C9: variants seen among roughly 807,000 people sequenced by gnomAD.
C9 encodes complement component C9.
In C9, 63 loss-of-function variants were observed where a neutral mutation model predicts 65.4. That is an observed-to-expected ratio of 0.96 (90% CI 0.79 to 1.19). The LOEUF (loss-of-function observed/expected upper bound fraction) is 1.19, where lower values mean the gene tolerates loss of function less well. C9 is among the 50% of genes most tolerant of loss of function. The probability of loss-of-function intolerance (pLI) is 0.00; values close to 1 mark genes in which losing one functional copy is unlikely to be tolerated. For synonymous variants in C9, 229 were observed against 227.9 expected (o/e 1.00, Z -0.04); for missense variants, 744 against 670.1 (o/e 1.11, Z -1.22).
intron 1 of C9, among the ~76,000 whole-genome samples, chr5:39,350,362 C>T (rs528379305): frequency 6.6e-6 from 1 of 152,256 alleles, no homozygotes; most frequent in East Asian, 1.9e-4. Flanking sequence ...ATCATTCCAC[C>T]CTGGCTTGTC....
chr5:39,287,866 G>C (rs1387146585), intron 10 of C9, among the ~76,000 whole-genome samples: 1 of 151,892 alleles, frequency 6.6e-6, no homozygotes, highest in African/African-American at 2.4e-5. Flanking sequence ...AAAATTACCT[G>C]TTGGGTACAA....
chr5:39,291,835 AAAAG>A (rs1294489223), intron 9 of C9, among the ~76,000 whole-genome samples: 1 of 151,918 alleles, frequency 6.6e-6, no homozygotes, highest in Non-Finnish European at 1.5e-5. Context: ...TTGACACAGC[AAAAG>A]AAAGAATCAG....
intron 9 of C9, among the ~76,000 whole-genome samples, chr5:39,294,875 G>A (rs528715282): frequency 3.4e-4 from 51 of 151,936 alleles, no homozygotes; most frequent in Non-Finnish European, 6.3e-4. Context: ...GCATGATCAA[G>A]TGGGCATGAA....
chr5:39,350,597 G>T (rs923982833), intron 1 of C9, among the ~76,000 whole-genome samples: 2 of 152,162 alleles, frequency 1.3e-5, no homozygotes, highest in Admixed American at 1.3e-4. Context: ...AGAGAAATCA[G>T]CCAAGAGATA....
intron 5 of C9, among the ~76,000 whole-genome samples, chr5:39,324,684 C>G (rs1263241334): frequency 6.6e-6 from 1 of 152,044 alleles, no homozygotes; most frequent in Non-Finnish European, 1.5e-5. Flanking sequence ...AAAAATCCAT[C>G]CATGCGAAAA....
intron 1 of C9, 90 bp from the exon 2 acceptor site, chr5:39,342,286 A>C (rs1363012747): frequency 8.2e-6 from 6 of 731,220 alleles, no homozygotes; most frequent in Admixed American, 3.9e-5. Context: ...TTTGTACTTT[A>C]TCCCCTCTCA....
At position 39,311,160 on chromosome 5, in the gene C9, T is replaced by A; in HGVS notation, c.1088A>T (p.Asp363Val). 6.2e-7 allele frequency: 1 copy of A among 1,613,388 alleles called. No homozygotes were observed. Among genetic ancestry groups the A allele is most frequent in the South Asian group, 1.1e-5 (1 of 91,074 alleles). ...ACCTTTCCGCTTCATGGAAGCTTTA[T>A]CCAAAACATATATTAGTTCATAGAG... The part of the protein sequence containing the change: ...GGLYELIYVL[D>V]KASMKRKGVE... The change falls in exon 7 of 11, where the codon GAT becomes GTT. Residue 363 changes from aspartate (D) to valine (V), a missense_variant. Transcript: ENST00000263408.
intron 1 of C9, among the ~76,000 whole-genome samples, chr5:39,343,487 G>A (rs960545509): frequency 6.6e-5 from 10 of 152,330 alleles, no homozygotes; most frequent in South Asian, 2.1e-4. Flanking sequence ...AGGGGCGCCC[G>A]CCATTGCTGA....
At chr5:39,348,983 G>C (rs1168038144) in intron 1 of C9, among the ~76,000 whole-genome samples, 1 of 127,890 alleles carries the variant, frequency 7.8e-6, no homozygotes, top group Non-Finnish European at 1.6e-5. Flanking sequence ...AGAACACTTG[G>C]ACACAGGGTG....
intron 9 of C9, among the ~76,000 whole-genome samples, chr5:39,289,189 A>G (rs1753046059): frequency 6.6e-6 from 1 of 151,794 alleles, no homozygotes; most frequent in Non-Finnish European, 1.5e-5. Context: ...ATGATGCATA[A>G]ATTTCAAATA....
At chr5:39,328,998 T>C (rs1210217787) in intron 5 of C9, among the ~76,000 whole-genome samples, 1 of 152,210 alleles carries the variant, frequency 6.6e-6, no homozygotes, top group African/African-American at 2.4e-5. Context: ...TGCAAATTTT[T>C]GTTCATCTCC....
At chr5:39,336,571 G>A (rs957846247) in intron 4 of C9, among the ~76,000 whole-genome samples, 4 of 152,024 alleles carry the variant, frequency 2.6e-5, no homozygotes, top group African/African-American at 9.7e-5. Context: ...CTATCTTAAT[G>A]AAATGAATGA....
chr5:39,332,271 C>T (rs1311099619), intron 4 of C9, among the ~76,000 whole-genome samples: 1 of 152,168 alleles, frequency 6.6e-6, no homozygotes, highest in Non-Finnish European at 1.5e-5. Context: ...CTTTCTCTCA[C>T]TCACCCCATT....
chr5:39,310,422 G>A (rs1311562985), intron 7 of C9, among the ~76,000 whole-genome samples: 1 of 152,114 alleles, frequency 6.6e-6, no homozygotes, highest in Admixed American at 6.5e-5. Flanking sequence ...TATTAATATA[G>A]TCACTTTGCA....
At chr5:39,323,436 T>C (rs1001456966) in intron 5 of C9, among the ~76,000 whole-genome samples, 1 of 148,614 alleles carries the variant, frequency 6.7e-6, no homozygotes, top group Admixed American at 6.8e-5. Context: ...ATAAACAAAC[T>C]AAATTCAGAA....
rs529243883 is a variant in C9, at chr5:39,285,034, AT to A, written c.*164del. 1,213 of 562,016 alleles carry A rather than the reference AT, an allele frequency of 2.2e-3. 5 individuals are homozygous for A. Among genetic ancestry groups the A allele is most frequent in the East Asian group, 0.01 (343 of 32,708 alleles). 34.8% of individuals were successfully genotyped at this position (562,016 alleles called of 1,614,324 possible). A position where few individuals can be genotyped will look rare whatever the true frequency, so the allele number is the denominator to read the frequency against. On this transcript the variant is annotated 3_prime_UTR_variant, in exon 11 of 11. Transcript: ENST00000263408. ...CATCACAGGAGTTTAAGGAAGAAAA[AT>A]TTAAAAAAAAATTATAGACCTAAGA...
chr5:39,355,693 G>A (rs1308157252), intron 1 of C9, among the ~76,000 whole-genome samples: 1 of 152,132 alleles, frequency 6.6e-6, no homozygotes, highest in Non-Finnish European at 1.5e-5. Context: ...CCATAACAAA[G>A]TACCACAGAC....
intron 4 of C9, among the ~76,000 whole-genome samples, chr5:39,333,616 T>TGGTCTCCCCTCTCTCTCTCTTTCCAC (rs1753888134): frequency 7.2e-6 from 1 of 138,146 alleles, no homozygotes; most frequent in Non-Finnish European, 1.6e-5. Flanking sequence ...CCCCTTTCCA[T>TGGTCTCCCCTCTCTCTCTCTTTCCAC]GGTCTCCCCT....
chr5:39,352,153 C>A (rs545837436), intron 1 of C9, among the ~76,000 whole-genome samples: 1 of 152,246 alleles, frequency 6.6e-6, no homozygotes, highest in South Asian at 2.1e-4. Context: ...CTACATACTT[C>A]TAAACAACCA....
Sources: allele counts gnomAD v4.1 joint callset (sites outside exome capture counted in the v4.1 genomes callset), GRCh38; gene constraint gnomAD v4.1.1; transcripts MANE v1.5; gene names NCBI Gene and HGNC (gene_info 2026-07-23, HGNC 2026-07-21).